Variants in STEAP1B observed in about 807,000 individuals in gnomAD.
The protein encoded by STEAP1B is STEAP family member 1B.
Under a neutral mutation model 27.9 loss-of-function variants are expected in STEAP1B, and 13 were observed. The observed-to-expected ratio is 0.47, with a 90% confidence interval of 0.30 to 0.74. The LOEUF (loss-of-function observed/expected upper bound fraction) is 0.74. Among genes scored for constraint, STEAP1B ranks in the 30% least tolerant of loss-of-function variants. STEAP1B has a pLI of 0.06. For synonymous variants in STEAP1B, 86 were observed against 107.1 expected (o/e 0.80, Z 1.22); for missense variants, 250 against 298.7 (o/e 0.84, Z 1.20).
intron 4 of STEAP1B, among the ~76,000 whole-genome samples, chr7:22,487,575 G>GA (rs1786233749): frequency 6.6e-6 from 1 of 151,472 alleles, no homozygotes; most frequent in Non-Finnish European, 1.5e-5. Flanking sequence ...CGGGGGCGGG[G>GA]GGGTGCATCA....
At chr7:22,445,418 C>T (rs937284479) in intron 4 of STEAP1B, among the ~76,000 whole-genome samples, 37 of 152,270 alleles carry the variant, frequency 2.4e-4, no homozygotes, top group African/African-American at 8.9e-4. Flanking sequence ...ATCCTCCCCT[C>T]GTCTTGTCAG....
chr7:22,453,642 A>T (rs1160531498), intron 4 of STEAP1B, among the ~76,000 whole-genome samples: 14 of 152,246 alleles, frequency 9.2e-5, no homozygotes, highest in Admixed American at 9.2e-4. Context: ...CCTATGTAAC[A>T]ACCTTTGATC....
chr7:22,456,972 ATTT>A lies in STEAP1B; in HGVS notation c.762+35590_762+35592del, dbSNP rs3064738. On this transcript the variant is annotated intron_variant, in intron 4 of 4. Transcript: ENST00000678116. ...GGCAGCTATATATATATATATATAT[ATTT>A]TTTTTTTTTTTAAGTATCCTGGGTG... Among the ~76,000 whole-genome samples the A allele has an allele frequency of 1.9e-4, 11 of 57,070 alleles. 1 individual carries two copies. The highest frequency in any genetic ancestry group is 2.0e-3 in the South Asian group (2 of 994). 37.4% of individuals were successfully genotyped at this position (57,070 alleles called of 152,430 possible).
intron 4 of STEAP1B, among the ~76,000 whole-genome samples, chr7:22,429,398 A>T (rs1785150016): frequency 6.6e-6 from 1 of 152,184 alleles, no homozygotes; most frequent in African/African-American, 2.4e-5. Flanking sequence ...ATCATGTTGC[A>T]TTTTTTTCAG....
At chr7:22,439,897 T>C (rs921129095) in intron 4 of STEAP1B, among the ~76,000 whole-genome samples, 1 of 152,132 alleles carries the variant, frequency 6.6e-6, no homozygotes, top group Non-Finnish European at 1.5e-5. Flanking sequence ...ACCTCATGCA[T>C]CAACAATAAC....
chr7:22,429,290 C>T (rs1785148582), intron 4 of STEAP1B, among the ~76,000 whole-genome samples: 1 of 152,160 alleles, frequency 6.6e-6, no homozygotes, highest in Non-Finnish European at 1.5e-5. Context: ...ACAACTACAA[C>T]AACAAAAATA....
intron 4 of STEAP1B, among the ~76,000 whole-genome samples, chr7:22,440,899 A>G (rs931565084): frequency 6.6e-6 from 1 of 151,242 alleles, no homozygotes; most frequent in Non-Finnish European, 1.5e-5. Context: ...TTCTTAATTT[A>G]AAATTATTCA....
At chr7:22,490,610 T>C (rs569928137) in intron 4 of STEAP1B, among the ~76,000 whole-genome samples, 5 of 152,366 alleles carry the variant, frequency 3.3e-5, no homozygotes, top group Non-Finnish European at 7.3e-5. Context: ...ATTTTGTATA[T>C]GCACAACACC....
chr7:22,494,416 T>A (rs189081036), intron 2 of STEAP1B, among the ~76,000 whole-genome samples: 1 of 145,600 alleles, frequency 6.9e-6, no homozygotes, highest in Non-Finnish European at 1.5e-5. Context: ...TACTGTTATA[T>A]GGGCATTGAT....
Position 22,493,519 on chromosome 7 carries a change from C to T in STEAP1B, c.402G>A (p.Val134=). 1 of 1,613,882 alleles carries T rather than the reference C, an allele frequency of 6.2e-7. No homozygotes were observed. The highest frequency in any genetic ancestry group is 8.5e-7 in the Non-Finnish European group (1 of 1,179,836). Reference sequence around the variant, plus strand: ...TATGAACTTGGACAATTGCTGCTATCACACCTGGTAGGTAAACCAATGCCA... The same window carrying T: ...TATGAACTTGGACAATTGCTGCTATTACACCTGGTAGGTAAACCAATGCCA... ...TLLALVYLPG[V]IAAIVQVHNG... The change falls in exon 3 of 5, where the codon GTG becomes GTA. Residue 134 remains valine, a synonymous_variant. Coordinates refer to ENST00000678116, the MANE Select transcript of STEAP1B (RefSeq NM_001382447.1).
chr7:22,484,059 AC>A (rs1305843606), intron 4 of STEAP1B, among the ~76,000 whole-genome samples: 10 of 152,364 alleles, frequency 6.6e-5, no homozygotes, highest in Admixed American at 4.6e-4. Flanking sequence ...ATGAGGTTTA[AC>A]AAAAAATGCC....
intron 4 of STEAP1B, among the ~76,000 whole-genome samples, chr7:22,483,624 T>C (rs1194735283): frequency 6.6e-6 from 1 of 152,230 alleles, no homozygotes; most frequent in Non-Finnish European, 1.5e-5. Flanking sequence ...TTTTTCATTA[T>C]CATTATTGTA....
At chr7:22,479,679 CT>C (rs569050091) in intron 4 of STEAP1B, among the ~76,000 whole-genome samples, 1,601 of 92,040 alleles carry the variant, frequency 0.017, 32 homozygotes, top group African/African-American at 0.068. Flanking sequence ...TCATGTGTGG[CT>C]TTTTTTTTTT....
At chr7:22,463,194 T>G (rs1471523466) in intron 4 of STEAP1B, among the ~76,000 whole-genome samples, 2 of 151,750 alleles carry the variant, frequency 1.3e-5, no homozygotes, top group Non-Finnish European at 2.9e-5. Flanking sequence ...ATGAGTGAAC[T>G]CCCATTCACA....
At chr7:22,495,216 T>G (rs1786418736) in intron 1 of STEAP1B, 1 of 164,064 alleles carries the variant, frequency 6.1e-6, no homozygotes, top group Admixed American at 6.3e-5. Flanking sequence ...GAAAGCCAAC[T>G]CCTTTCAATG....
At chr7:22,447,885 C>G (rs1393328640) in intron 4 of STEAP1B, among the ~76,000 whole-genome samples, 3 of 152,234 alleles carry the variant, frequency 2.0e-5, no homozygotes, top group African/African-American at 7.2e-5. Context: ...GGCTCACAAA[C>G]AGTTATCACC....
At chr7:22,461,579 T>C (rs1453366917) in intron 4 of STEAP1B, among the ~76,000 whole-genome samples, 4 of 152,188 alleles carry the variant, frequency 2.6e-5, no homozygotes, top group Non-Finnish European at 5.9e-5. Context: ...AGGAACTCTC[T>C]GGGCAATTCT....
intron 4 of STEAP1B, among the ~76,000 whole-genome samples, chr7:22,469,803 T>A (rs1426309085): frequency 6.6e-6 from 1 of 152,232 alleles, no homozygotes; most frequent in African/African-American, 2.4e-5. Flanking sequence ...AATATATTCC[T>A]ATCATTTAAG....
chr7:22,497,833 A>G (rs1786468094), intron 1 of STEAP1B, among the ~76,000 whole-genome samples: 1 of 152,212 alleles, frequency 6.6e-6, no homozygotes, highest in African/African-American at 2.4e-5. Flanking sequence ...GAGGGCTTAT[A>G]GTCATGGTGG....
Sources: allele counts gnomAD v4.1 joint callset (sites outside exome capture counted in the v4.1 genomes callset), GRCh38; gene constraint gnomAD v4.1.1; transcripts MANE v1.5; gene names NCBI Gene and HGNC (gene_info 2026-07-23, HGNC 2026-07-21).